The following HS1BP3 variants were observed in gnomAD, a reference collection of about 807,000 sequenced individuals.
HS1BP3 encodes HCLS1-binding protein 3.
Under a neutral mutation model 33.5 loss-of-function variants are expected in HS1BP3, and 32 were observed. The observed-to-expected ratio is 0.95, with a 90% CI of 0.72 to 1.28. The LOEUF (loss-of-function observed/expected upper bound fraction) is 1.28, where lower values mean the gene tolerates loss of function less well. Among genes scored for constraint, HS1BP3 ranks in the 50% most tolerant of loss-of-function variants. HS1BP3 has a pLI of 0.00. For synonymous variants in HS1BP3, 187 were observed against 209.2 expected, an observed-to-expected ratio of 0.89 and a Z score of 0.92; for missense variants, 486 against 502.3, an observed-to-expected ratio of 0.97 and a Z score of 0.31.
chr2:20,631,385 C>T lies in HS1BP3; in HGVS notation c.624-6493G>A, dbSNP rs536898988. Among the ~76,000 whole-genome samples, 8 of 151,926 alleles carry T rather than the reference C, an allele frequency of 5.3e-5. No homozygotes were observed. In the South Asian group the frequency reaches 1.5e-3, roughly 28 times the overall value. On this transcript the variant is annotated intron_variant, in intron 4 of 6. Transcript: ENST00000304031. ...ACAAAAGTAGCCAGGCATGGTAGTG[C>T]ATGCCTGTAGTTCCAGCTATTTGAG...
At chr2:20,649,704 C>G (rs968885327) in intron 1 of HS1BP3, among the ~76,000 whole-genome samples, 2 of 152,140 alleles carry the variant, frequency 1.3e-5, no homozygotes. Context: ...TGGGAAGGGC[C>G]GGCCTTGCTG....
At chr2:20,578,550 C>T (rs1693456668) in intron 5 of HS1BP3, among the ~76,000 whole-genome samples, 1 of 152,232 alleles carries the variant, frequency 6.6e-6, no homozygotes. Flanking sequence ...GAAAGATGGG[C>T]ATTCCCAAGG....
chr2:20,610,764 A>G (rs189015352), intron 2 of HS1BP3, among the ~76,000 whole-genome samples: 76 of 152,348 alleles, frequency 5.0e-4, no homozygotes, highest in African/African-American at 1.7e-3. Flanking sequence ...GCTGGAGAGT[A>G]TGGTAAGAGT....
At chr2:20,556,298 A>G (rs1179921065), downstream of HS1BP3, among the ~76,000 whole-genome samples, 1 of 152,196 alleles carries the variant, frequency 6.6e-6, no homozygotes, top group Non-Finnish European at 1.5e-5. Context: ...TCCTTATAAC[A>G]TTAGGTAATT....
At chr2:20,649,364 C>T (rs1237714105) in intron 1 of HS1BP3, among the ~76,000 whole-genome samples, 1 of 152,206 alleles carries the variant, frequency 6.6e-6, no homozygotes, top group Non-Finnish European at 1.5e-5. Flanking sequence ...GGAGCTTGTC[C>T]GGGATCTGTC....
chr2:20,571,746 T>C (rs560042681), intron 5 of HS1BP3, among the ~76,000 whole-genome samples: 15 of 152,340 alleles, frequency 9.8e-5, no homozygotes, highest in African/African-American at 3.6e-4. Context: ...CCAGGAGTCT[T>C]TCCCTGGAGC....
intron 5 of HS1BP3, among the ~76,000 whole-genome samples, chr2:20,572,005 C>G (rs1195751155): frequency 1.3e-5 from 2 of 152,242 alleles, no homozygotes; most frequent in Non-Finnish European, 2.9e-5. Flanking sequence ...GGACTCCAGG[C>G]TCAGAGAGGT....
In HS1BP3 at chr2:20,584,826, T is replaced by C. The variant is rs532370665; in HGVS notation, c.303-24311A>G. ...TGGGTTTGGAAGGGATGAGGGCTCT[T>C]CTCAAGGATAAGAGGGATGAGGTGG... On this transcript the variant is annotated intron_variant, in intron 5 of 5. Transcript: ENST00000446825. Among the ~76,000 whole-genome samples, 208 of 152,256 alleles carry C rather than the reference T, an allele frequency of 1.4e-3. 2 individuals carry two copies. The highest frequency in any genetic ancestry group is 3.7e-3 in the Admixed American group (57 of 15,298).
At chr2:20,633,504 C>T (rs968425053) in intron 4 of HS1BP3, among the ~76,000 whole-genome samples, 8 of 152,172 alleles carry the variant, frequency 5.3e-5, no homozygotes, top group African/African-American at 1.9e-4. Flanking sequence ...GTGCAGTAAT[C>T]TGTTTTTTTG....
chr2:20,622,971 G>C (rs1694653760), intron 6 of HS1BP3: 1 of 153,172 alleles, frequency 6.5e-6, no homozygotes, highest in Non-Finnish European at 1.5e-5. Context: ...ACAGCCTCCA[G>C]GGCCTGCATG....
chr2:20,560,839 C>T (rs1692974582), intron 5 of HS1BP3, among the ~76,000 whole-genome samples: 1 of 152,064 alleles, frequency 6.6e-6, no homozygotes, highest in South Asian at 2.1e-4. Flanking sequence ...ACTGTTCTGT[C>T]CCTGGAACTG....
Position 20,618,692 on chromosome 2 carries a change from G to GCCTGTCT in HS1BP3, c.*294_*295insAGACAGG. 8.0e-7 allele frequency: 1 copy of GCCTGTCT among 1,242,656 alleles called. No individual in the cohort carries two copies. The highest frequency in any genetic ancestry group is 4.0e-5 in the Admixed American group (1 of 25,148). The allele number at this position is 1,242,656 out of a possible 1,614,324, so 77.0% of individuals were successfully genotyped here. ...TGTCTTGCTTCATCCTTGGGGCTGG[G>GCCTGTCT]CTTCTGGTTGGCAAGGCATCCCCAC... On this transcript the variant is annotated 3_prime_UTR_variant, in exon 7 of 7. Coordinates refer to ENST00000304031, the MANE Select transcript of HS1BP3 (RefSeq NM_022460.4).
chr2:20,625,184 G>A (rs887078237), intron 4 of HS1BP3, among the ~76,000 whole-genome samples: 1 of 152,246 alleles, frequency 6.6e-6, no homozygotes, highest in Non-Finnish European at 1.5e-5. Flanking sequence ...TGAGAAGCAG[G>A]TTTCCCCAAT....
rs150278337 is a variant in HS1BP3 at position 20,649,164 on chromosome 2, C to T, written c.32+1868G>A. ...TTGCACTTGAAATTAAATCTGATGG[C>T]CCCTCCACAGCCTTCTCGGCCTTTC... On this transcript the variant is annotated intron_variant, in intron 1 of 6. Transcript: ENST00000304031. Among the ~76,000 whole-genome samples, 46 of 152,292 alleles carry T rather than the reference C, an allele frequency of 3.0e-4. 1 individual carries two copies. Among genetic ancestry groups the T allele is most frequent in the African/African-American group, 1.0e-3 (43 of 41,556 alleles).
Position 20,624,037 on chromosome 2 carries a change from G to A in HS1BP3, c.785-6C>T. 6.2e-7 allele frequency: 1 copy of A among 1,610,870 alleles called. No homozygotes were observed. The highest frequency in any genetic ancestry group is 8.5e-7 in the Non-Finnish European group (1 of 1,179,494). Reference sequence around the variant, plus strand: ...ATCATCAAATAGCTTCAGGGCTGTGGGAAGGCAGCAGCAGGGGGGTCAGAG... The same window carrying A: ...ATCATCAAATAGCTTCAGGGCTGTGAGAAGGCAGCAGCAGGGGGGTCAGAG... On this transcript the variant is annotated splice_polypyrimidine_tract_variant and splice_region_variant and intron_variant, in intron 5 of 6. Coordinates refer to ENST00000304031, the MANE Select transcript of HS1BP3 (RefSeq NM_022460.4).
intron 5 of HS1BP3, among the ~76,000 whole-genome samples, chr2:20,564,707 C>T (rs1343628224): frequency 6.6e-6 from 1 of 152,188 alleles, no homozygotes; most frequent in African/African-American, 2.4e-5. Context: ...TGGTCTCGAA[C>T]TCCTGATCTC....
intron 1 of HS1BP3, among the ~76,000 whole-genome samples, chr2:20,647,713 G>C (rs1572367700): frequency 6.6e-6 from 1 of 152,192 alleles, no homozygotes; most frequent in Non-Finnish European, 1.5e-5. Context: ...ATTTCAGGCT[G>C]TGTAGGGTAT....
intron 5 of HS1BP3, among the ~76,000 whole-genome samples, chr2:20,562,261 T>G (rs1231661681): frequency 6.6e-6 from 1 of 152,118 alleles, no homozygotes; most frequent in Admixed American, 6.5e-5. Flanking sequence ...GGAAGAATGC[T>G]TGAAGCTAGG....
downstream of HS1BP3, among the ~76,000 whole-genome samples, chr2:20,613,952 AG>A (rs1694365455): frequency 6.6e-6 from 1 of 152,250 alleles, no homozygotes; most frequent in Non-Finnish European, 1.5e-5. Flanking sequence ...ATTTGGAAAT[AG>A]GGCCTTTGCA....
Sources: gnomAD v4.1 joint callset for allele counts (sites outside exome capture counted in the v4.1 genomes callset) on GRCh38, gnomAD v4.1.1 for gene constraint, MANE v1.5 for transcripts, NCBI Gene and HGNC (gene_info 2026-07-23, HGNC 2026-07-21) for gene names.